Variants in ANKMY1 observed in about 807,000 individuals in gnomAD.
ANKMY1 encodes the protein ankyrin repeat and MYND domain containing 1.
ANKMY1 carries 98 observed loss-of-function variants against 102.0 expected under a neutral mutation model. The ratio of observed to expected loss-of-function variants is 0.96; its 90% confidence interval spans 0.82 to 1.14. ANKMY1 has a LOEUF of 1.14. ANKMY1 is among the 50% of genes most tolerant of loss of function. The probability of loss-of-function intolerance (pLI) is 0.00; values close to 1 mark genes in which losing one functional copy is unlikely to be tolerated. For synonymous variants in ANKMY1, 582 were observed against 559.9 expected, an observed-to-expected ratio of 1.04 and a Z score of -0.56; for missense variants, 1,330 against 1,347.6, an observed-to-expected ratio of 0.99 and a Z score of 0.20.
chr2:240,533,859 G>A (rs1250540621), intron 4 of ANKMY1, among the ~76,000 whole-genome samples: 55 of 152,170 alleles, frequency 3.6e-4, no homozygotes, highest in Admixed American at 3.5e-3. Context: ...TAAAGTTACA[G>A]AGAAAGACGC....
At chr2:240,532,334 T>C (rs954377840) in intron 4 of ANKMY1, among the ~76,000 whole-genome samples, 2 of 152,178 alleles carry the variant, frequency 1.3e-5, no homozygotes, top group Non-Finnish European at 2.9e-5. Context: ...CTTCAAGAAC[T>C]GAGGCAAAAA....
chr2:240,480,866 G>C (rs1178147208), intron 17 of ANKMY1, 71 bp downstream of exon 17: 3 of 1,518,340 alleles, frequency 2.0e-6, no homozygotes, highest in Non-Finnish European at 1.8e-6. Flanking sequence ...CCCCTCACCA[G>C]CACCCCAGGC....
At chr2:240,528,433 G>A (rs565172198) in intron 5 of ANKMY1, among the ~76,000 whole-genome samples, 1 of 152,058 alleles carries the variant, frequency 6.6e-6, no homozygotes, top group East Asian at 1.9e-4. Context: ...TCAAAGGCCT[G>A]CCTGGGCCCC....
At chr2:240,538,321 A>AC (rs2087474644) in intron 4 of ANKMY1, among the ~76,000 whole-genome samples, 1 of 151,678 alleles carries the variant, frequency 6.6e-6, no homozygotes, top group Admixed American at 6.6e-5. Context: ...AGCGGCGCTC[A>AC]GGGGCCAGCG....
intron 17 of ANKMY1, 131 bp from the exon 18 acceptor site, chr2:240,479,786 G>T: frequency 1.3e-6 from 1 of 781,476 alleles, no homozygotes; most frequent in Non-Finnish European, 2.1e-6. Context: ...TTGCAGGCAA[G>T]GAGTCGGGAT....
At chr2:240,523,828 A>G in intron 8 of ANKMY1, 57 bp downstream of exon 8, 1 of 1,577,212 alleles carries the variant, frequency 6.3e-7, no homozygotes, top group Non-Finnish European at 8.6e-7. Context: ...TCTGCTGAGC[A>G]TAGGATTCAG....
At chr2:240,539,546 C>G (rs1348646158) in intron 4 of ANKMY1, among the ~76,000 whole-genome samples, 1 of 152,180 alleles carries the variant, frequency 6.6e-6, no homozygotes, top group Non-Finnish European at 1.5e-5. Flanking sequence ...TCAGTGAGAC[C>G]AAGAACCCAC....
chr2:240,528,780 G>A (rs1211369260), intron 5 of ANKMY1, among the ~76,000 whole-genome samples: 9 of 152,164 alleles, frequency 5.9e-5, no homozygotes, highest in African/African-American at 2.2e-4. Context: ...CCAAGAGTGG[G>A]CAGGTGGGAT....
intron 4 of ANKMY1, among the ~76,000 whole-genome samples, chr2:240,530,237 G>C (rs2084998772): frequency 6.6e-6 from 1 of 152,190 alleles, no homozygotes; most frequent in South Asian, 2.1e-4. Context: ...CTGCTGCCCA[G>C]GGGAGGCGCA....
chr2:240,557,685 C>T (rs1022424057), intron 1 of ANKMY1, among the ~76,000 whole-genome samples, 196 bp downstream of exon 1: 1 of 152,218 alleles, frequency 6.6e-6, no homozygotes, highest in Admixed American at 6.5e-5. Context: ...CAGCGGGTCT[C>T]AGCCACGGGC....
chr2:240,532,043 G>C, intron 4 of ANKMY1: 2 of 457,698 alleles, frequency 4.4e-6, no homozygotes, highest in Non-Finnish European at 9.0e-6. Context: ...TCGAGTACCA[G>C]AGAGAGAGGA....
chr2:240,508,788 G>C (rs1271663971), intron 12 of ANKMY1, among the ~76,000 whole-genome samples: 1 of 151,802 alleles, frequency 6.6e-6, no homozygotes, highest in Non-Finnish European at 1.5e-5. Context: ...GAATGAATGG[G>C]TGGACGGTAG....
At position 240,499,899 on chromosome 2, in the gene ANKMY1, C is replaced by T. The variant is rs2077874002; in HGVS notation, c.2806+59G>A. Reference sequence around the variant, plus strand: ...TCCAGATCTCCAGGGATAACAGCCCCAGGCACGAGGCCGGAACGCCGCCCT... The same window carrying T: ...TCCAGATCTCCAGGGATAACAGCCCTAGGCACGAGGCCGGAACGCCGCCCT... On this transcript the variant is annotated intron_variant, in intron 15 of 17. Transcript: ENST00000401804. The surrounding 1 kb of genome is among the most constrained non-coding windows in gnomAD (Gnocchi z 4.2). 3.9e-6 allele frequency: 6 copies of T among 1,534,936 alleles called. No homozygotes were observed. The highest frequency in any genetic ancestry group is 5.3e-6 in the Non-Finnish European group (6 of 1,134,722).
chr2:240,522,305 T>A (rs2082469093), intron 8 of ANKMY1: 1 of 152,224 alleles, frequency 6.6e-6, no homozygotes, highest in South Asian at 2.1e-4. Flanking sequence ...CACCAACTTG[T>A]TAACCATAAC....
intron 4 of ANKMY1, among the ~76,000 whole-genome samples, chr2:240,543,744 A>G (rs907533586): frequency 1.3e-5 from 2 of 152,292 alleles, no homozygotes; most frequent in African/African-American, 2.4e-5. Context: ...TATACATTAT[A>G]TAAGTGCTAT....
At chr2:240,539,188 T>C (rs945434319) in intron 4 of ANKMY1, among the ~76,000 whole-genome samples, 1 of 152,162 alleles carries the variant, frequency 6.6e-6, no homozygotes, top group Admixed American at 6.5e-5. Flanking sequence ...GCTCACTCTT[T>C]GGGTCCGCAC....
chr2:240,492,723 C>T (rs572697326), intron 15 of ANKMY1, among the ~76,000 whole-genome samples: 1 of 152,268 alleles, frequency 6.6e-6, no homozygotes, highest in South Asian at 2.1e-4. Context: ...CAGAGTCTCA[C>T]TGTGTCGCCC....
At chr2:240,493,248 A>T (rs537927823) in intron 15 of ANKMY1, among the ~76,000 whole-genome samples, 121 of 151,988 alleles carry the variant, frequency 8.0e-4, no homozygotes, top group African/African-American at 2.9e-3. Flanking sequence ...AATCATTTGA[A>T]CCCAGGAGGC....
intron 9 of ANKMY1, among the ~76,000 whole-genome samples, chr2:240,518,865 G>A (rs1365326815): frequency 6.6e-6 from 1 of 152,114 alleles, no homozygotes; most frequent in Non-Finnish European, 1.5e-5. Flanking sequence ...CTTACACTTG[G>A]AAGAAAAGTT....
Sources: allele counts gnomAD v4.1 joint callset (sites outside exome capture counted in the v4.1 genomes callset), GRCh38; gene constraint gnomAD v4.1.1; non-coding constraint Gnocchi (gnomAD v3.1); transcripts MANE v1.5; gene names NCBI Gene and HGNC (gene_info 2026-07-23, HGNC 2026-07-21).